Variants in TRAF3IP2 observed in about 807,000 individuals in gnomAD.
TRAF3IP2 encodes TRAF3 interacting protein 2, also known as E3 ubiquitin ligase TRAF3IP2.
TRAF3IP2 carries 35 observed loss-of-function variants against 57.9 expected under a neutral mutation model. The observed-to-expected ratio is 0.60, with a 90% CI of 0.46 to 0.80. TRAF3IP2 has a LOEUF of 0.80. TRAF3IP2 is among the 30% of genes least tolerant of loss of function. TRAF3IP2 has a pLI of 0.00. For missense variants in TRAF3IP2, 556 were observed against 706.4 expected (o/e 0.79, Z 2.41); for synonymous variants, 251 against 268.9 (o/e 0.93, Z 0.65).
rs113047173 is a variant in TRAF3IP2, at chr6:111,597,403, C to T, written c.-8-5309G>A. Among the ~76,000 whole-genome samples, 4 of 152,242 alleles carry T rather than the reference C, an allele frequency of 2.6e-5. 1 individual carries two copies. Among genetic ancestry groups the T allele is most frequent in the South Asian group, 2.1e-4 (1 of 4,818 alleles). ...ACCTAGAACTGAAAAGGGTGGGGCA[C>T]GCCTGCCACTACCACACAGGCCCCC... is the stretch of plus-strand genomic sequence containing the variant. On this transcript the variant is annotated intron_variant, in intron 1 of 8. Transcript: ENST00000368761.
In TRAF3IP2 at chr6:111,591,743, T is replaced by C; in HGVS notation, c.344A>G (p.Glu115Gly). The C allele has an allele frequency of 6.2e-7, 1 of 1,614,210 alleles. No homozygotes were observed. Among genetic ancestry groups the C allele is most frequent in the Non-Finnish European group, 8.5e-7 (1 of 1,180,038 alleles). Residue 115 changes from glutamate (E) to glycine (G), a missense_variant, in exon 2 of 9, where the codon GAG (glutamate) becomes GGG (glycine). Around this residue, in one of 2 missense-constraint regions of TRAF3IP2, gnomAD observed 428 missense variants for 498.7 expected, o/e 0.86. Coordinates refer to ENST00000368761, the MANE Select transcript of TRAF3IP2 (RefSeq NM_147686.4). This position sits in a 1 kb window ranked among gnomAD's most constrained non-coding sequence, Gnocchi z 4.9. Reference protein sequence around the residue: ...AFPSGCSAVSEPASESVVGAL... With the variant: ...AFPSGCSAVSGPASESVVGAL... ...TCCAACCACAGACTCAGACGCAGGC[T>C]CGCTGACTGCAGAGCACCCAGAAGG...
Position 111,591,437 on chromosome 6 carries a change from G to A in TRAF3IP2, c.650C>T (p.Pro217Leu). The A allele has an allele frequency of 2.5e-6, 4 of 1,581,258 alleles. No individual in the cohort carries two copies. Among genetic ancestry groups the A allele is most frequent in the Non-Finnish European group, 2.6e-6 (3 of 1,162,842 alleles). ...CTGGGGGTAACACACGGAGGTGAGG[G>A]GCAGGGGCCTTTCCAGCTGCCTGAT... is the stretch of plus-strand genomic sequence containing the variant. ...LGIRQLERPL[P>L]LTSVCYPQDL... The change falls in exon 2 of 9, where the codon CCC (proline) becomes CTC (leucine). Residue 217 changes from proline to leucine, a missense_variant. Pro to Leu is a moderately conservative substitution (Grantham distance 98, BLOSUM62 -3). Transcript: ENST00000368761. The surrounding 1 kb of genome is among the most constrained non-coding windows in gnomAD (Gnocchi z 4.9).
intron 5 of TRAF3IP2, among the ~76,000 whole-genome samples, chr6:111,569,158 G>A (rs963878948): frequency 1.3e-5 from 2 of 152,152 alleles, no homozygotes; most frequent in African/African-American, 4.8e-5. Flanking sequence ...GATGGCCAAC[G>A]ACTACTCTTG....
intron 8 of TRAF3IP2, among the ~76,000 whole-genome samples, chr6:111,561,096 T>C (rs1323471977): frequency 6.9e-6 from 1 of 144,938 alleles, no homozygotes; most frequent in Non-Finnish European, 1.5e-5. Flanking sequence ...GCAGGAGAAT[T>C]GCTTGAACCT....
intron 1 of TRAF3IP2, among the ~76,000 whole-genome samples, chr6:111,593,084 C>A (rs1796570285): frequency 2.0e-5 from 3 of 152,208 alleles, no homozygotes; most frequent in African/African-American, 7.2e-5. Context: ...GATGCCTTGA[C>A]TGCAGGGGCA....
At chr6:111,568,166 TAC>T (rs948438495) in intron 5 of TRAF3IP2, among the ~76,000 whole-genome samples, 4 of 152,230 alleles carry the variant, frequency 2.6e-5, no homozygotes, top group African/African-American at 9.6e-5. Context: ...TGGTATTATG[TAC>T]AGTTTCAATC....
intron 3 of TRAF3IP2, among the ~76,000 whole-genome samples, chr6:111,578,821 C>T (rs1175773891): frequency 6.6e-6 from 1 of 152,144 alleles, no homozygotes; most frequent in Admixed American, 6.5e-5. Flanking sequence ...AAAATCCACT[C>T]TAATAGGAAC....
chr6:111,586,278 T>C (rs1363244889), intron 2 of TRAF3IP2, among the ~76,000 whole-genome samples: 1 of 152,100 alleles, frequency 6.6e-6, no homozygotes, highest in African/African-American at 2.4e-5. Flanking sequence ...CACATGTACC[T>C]GTAATTTTAT....
intron 3 of TRAF3IP2, among the ~76,000 whole-genome samples, chr6:111,578,072 A>T (rs1796043695): frequency 6.6e-6 from 1 of 152,208 alleles, no homozygotes; most frequent in Non-Finnish European, 1.5e-5. Flanking sequence ...GATCAAGAAG[A>T]TCAGAACAGG....
intron 1 of TRAF3IP2, among the ~76,000 whole-genome samples, chr6:111,592,998 G>A (rs1005912054): frequency 6.6e-6 from 1 of 152,190 alleles, no homozygotes; most frequent in African/African-American, 2.4e-5. Flanking sequence ...GCTTTTAGCT[G>A]TAAGAAGAAC....
chr6:111,590,354 A>G (rs760001358), intron 2 of TRAF3IP2, among the ~76,000 whole-genome samples: 89 of 152,314 alleles, frequency 5.8e-4, no homozygotes, highest in Middle Eastern at 6.8e-3. Flanking sequence ...ACAGGGCCAG[A>G]GCAGGAGGGA....
intron 2 of TRAF3IP2, among the ~76,000 whole-genome samples, chr6:111,588,098 A>T (rs1337429418): frequency 1.3e-5 from 2 of 152,248 alleles, no homozygotes; most frequent in Admixed American, 6.5e-5. Flanking sequence ...CTAACACTGG[A>T]TGTTGTCCAA....
chr6:111,589,853 G>T (rs1796452507), intron 2 of TRAF3IP2, among the ~76,000 whole-genome samples: 1 of 152,028 alleles, frequency 6.6e-6, no homozygotes, highest in Non-Finnish European at 1.5e-5. Context: ...TAGTATACAT[G>T]TACTAATATG....
intron 1 of TRAF3IP2, among the ~76,000 whole-genome samples, chr6:111,597,137 G>C (rs1796716288): frequency 6.6e-6 from 1 of 152,174 alleles, no homozygotes; most frequent in Non-Finnish European, 1.5e-5. Flanking sequence ...TTAAAATTAT[G>C]CCACGTGGGT....
intron 7 of TRAF3IP2, among the ~76,000 whole-genome samples, chr6:111,564,089 G>A (rs1256193295): frequency 6.6e-6 from 1 of 152,068 alleles, no homozygotes; most frequent in Non-Finnish European, 1.5e-5. Context: ...AGAAGAAAGT[G>A]ACAGTGGTGA....
At chr6:111,587,838 C>T (rs573432867) in intron 2 of TRAF3IP2, among the ~76,000 whole-genome samples, 20 of 152,114 alleles carry the variant, frequency 1.3e-4, no homozygotes, top group Non-Finnish European at 2.6e-4. Flanking sequence ...CTTATCTGGC[C>T]CCTTATTGAT....
intron 5 of TRAF3IP2, among the ~76,000 whole-genome samples, chr6:111,571,396 G>A (rs1054553312): frequency 1.7e-4 from 26 of 151,872 alleles, no homozygotes; most frequent in African/African-American, 5.3e-4. Context: ...TATTTTAGTC[G>A]TGATGGGGTT....
At chr6:111,599,275 G>T (rs1796790097) in intron 1 of TRAF3IP2, among the ~76,000 whole-genome samples, 1 of 151,992 alleles carries the variant, frequency 6.6e-6, no homozygotes, top group East Asian at 1.9e-4. Context: ...CTAGCTCTTG[G>T]ATCTGATGGG....
intron 1 of TRAF3IP2, chr6:111,601,095 G>A: frequency 1.5e-6 from 1 of 648,278 alleles, no homozygotes; most frequent in South Asian, 1.8e-5. Context: ...ATCTCGGTTG[G>A]GAGCACTGAC....
Sources: allele counts gnomAD v4.1 joint callset (sites outside exome capture counted in the v4.1 genomes callset), GRCh38; gene constraint gnomAD v4.1.1; regional missense constraint gnomAD v4.1.1; non-coding constraint Gnocchi (gnomAD v3.1); transcripts MANE v1.5; gene names NCBI Gene and HGNC (gene_info 2026-07-23, HGNC 2026-07-21).